TBC1D22A: variants seen among roughly 807,000 people sequenced by gnomAD.
The protein encoded by TBC1D22A is putative GTPase activator.
A neutral mutation model predicts 60.2 loss-of-function variants in TBC1D22A; 38 were observed. That is an observed-to-expected ratio of 0.63 (90% CI 0.49 to 0.83). TBC1D22A has a LOEUF of 0.83. TBC1D22A is among the 40% of genes least tolerant of loss of function. TBC1D22A has a pLI of 0.00. For synonymous variants in TBC1D22A, 302 were observed against 281.7 expected, an observed-to-expected ratio of 1.07 and a Z score of -0.72; for missense variants, 628 against 701.0, an observed-to-expected ratio of 0.90 and a Z score of 1.18.
chr22:46,927,767 G>A (rs773859844), intron 8 of TBC1D22A, among the ~76,000 whole-genome samples: 8 of 152,036 alleles, frequency 5.3e-5, no homozygotes, highest in Admixed American at 5.2e-4. Flanking sequence ...TTAAAAAATC[G>A]GTTACATTTT....
intron 4 of TBC1D22A, among the ~76,000 whole-genome samples, chr22:46,866,487 C>G (rs1252510175): frequency 6.6e-6 from 1 of 152,032 alleles, no homozygotes; most frequent in Non-Finnish European, 1.5e-5. Flanking sequence ...ATACACCTGT[C>G]AAGCGGCAAG....
chr22:47,046,118 G>C (rs1037706014), intron 11 of TBC1D22A, among the ~76,000 whole-genome samples: 3 of 152,194 alleles, frequency 2.0e-5, no homozygotes, highest in African/African-American at 7.2e-5. Flanking sequence ...GTGAGGTGTG[G>C]TCTACCTGTG....
intron 10 of TBC1D22A, among the ~76,000 whole-genome samples, chr22:46,999,211 A>T (rs1220476358): frequency 3.9e-5 from 6 of 152,254 alleles, no homozygotes; most frequent in Admixed American, 1.3e-4. Flanking sequence ...AGAAAGAAGC[A>T]CATTGCGGAT....
intron 7 of TBC1D22A, among the ~76,000 whole-genome samples, chr22:46,904,130 T>TCTGCCTACCTAC (rs1207567568): frequency 3.1e-5 from 3 of 96,708 alleles, no homozygotes; most frequent in African/African-American, 1.6e-4. Context: ...TATCTATCTA[T>TCTGCCTACCTAC]CTATCTATCT....
chr22:46,973,735 C>T (rs980479431), intron 8 of TBC1D22A, among the ~76,000 whole-genome samples: 11 of 152,230 alleles, frequency 7.2e-5, no homozygotes, highest in Middle Eastern at 3.4e-3. Context: ...TTTTCTCATT[C>T]GGTTTTTTGT....
chr22:47,012,186 A>G (rs1279541452), intron 10 of TBC1D22A, among the ~76,000 whole-genome samples: 2 of 151,570 alleles, frequency 1.3e-5, no homozygotes, highest in African/African-American at 4.9e-5. Flanking sequence ...ATTTTCCACC[A>G]CCCCAAAGTT....
At chr22:47,063,197 G>A (rs767615632) in intron 11 of TBC1D22A, among the ~76,000 whole-genome samples, 2 of 152,156 alleles carry the variant, frequency 1.3e-5, no homozygotes, top group South Asian at 2.1e-4. Flanking sequence ...CTCGGATCCC[G>A]CCTCCAGGGT....
intron 7 of TBC1D22A, among the ~76,000 whole-genome samples, chr22:46,909,999 G>A (rs1286884258): frequency 6.6e-6 from 1 of 152,240 alleles, no homozygotes; most frequent in South Asian, 2.1e-4. Flanking sequence ...AATAGCATTC[G>A]CATCATTTGC....
At chr22:46,772,054 T>C (rs111842169) in intron 1 of TBC1D22A, among the ~76,000 whole-genome samples, 7,429 of 129,550 alleles carry the variant, frequency 0.057, 733 homozygotes, top group Middle Eastern at 0.08. Context: ...TATATACATA[T>C]ACATATATAT....
intron 10 of TBC1D22A, among the ~76,000 whole-genome samples, chr22:47,000,143 ATGGAGAGGTT>A (rs2075263686): frequency 6.6e-6 from 1 of 152,194 alleles, no homozygotes; most frequent in Non-Finnish European, 1.5e-5. Context: ...TTGATTAAGA[ATGGAGAGGTT>A]TTGAGGGCAT....
chr22:46,886,655 A>G (rs2068135074), intron 5 of TBC1D22A, among the ~76,000 whole-genome samples: 1 of 152,232 alleles, frequency 6.6e-6, no homozygotes, highest in Admixed American at 6.5e-5. Flanking sequence ...GAAATAATCA[A>G]AATACTCACA....
chr22:46,885,418 G>A (rs2068062396), intron 5 of TBC1D22A, among the ~76,000 whole-genome samples: 1 of 152,192 alleles, frequency 6.6e-6, no homozygotes, highest in South Asian at 2.1e-4. Context: ...GGCCTTCTGT[G>A]ATTAGTGGGA....
intron 11 of TBC1D22A, among the ~76,000 whole-genome samples, chr22:47,063,644 G>A (rs1311365460): frequency 6.6e-6 from 1 of 152,164 alleles, no homozygotes; most frequent in South Asian, 2.1e-4. Context: ...TGTCACTCGC[G>A]TGGAGTATCC....
At position 47,071,506 on chromosome 22, in the gene TBC1D22A, C is replaced by T. The variant is rs377696026; in HGVS notation, c.1329+34308C>T. 1.1e-4 allele frequency among the ~76,000 whole-genome samples: 17 copies of T among 152,330 alleles called. No individual in the cohort carries two copies. In the East Asian group the frequency reaches 1.2e-3, roughly 10 times the overall value. ...ACAAGCCCTTTCAGTCTTCCTGAGT[C>T]GGCCCCACTCTGGGGTGGGCTCCCG... On this transcript the variant is annotated intron_variant, in intron 11 of 12. Transcript: ENST00000337137.
chr22:47,164,389 C>T (rs2068114899), intron 12 of TBC1D22A, among the ~76,000 whole-genome samples: 1 of 152,240 alleles, frequency 6.6e-6, no homozygotes, highest in African/African-American at 2.4e-5. Context: ...AGCCCCTCGT[C>T]ACCTGAGTGT....
rs558236445 is a variant in TBC1D22A at position 46,990,878 on chromosome 22, C to T, written c.1126-6756C>T. Among the ~76,000 whole-genome samples, 37 of 152,326 alleles carry T rather than the reference C, an allele frequency of 2.4e-4. No individual in the cohort carries two copies. The highest frequency in any genetic ancestry group is 8.9e-4 in the African/African-American group (37 of 41,566). On this transcript the variant is annotated intron_variant, in intron 9 of 12. Coordinates refer to ENST00000337137, the MANE Select transcript of TBC1D22A (RefSeq NM_014346.5). The surrounding 1 kb of genome is among the most constrained non-coding windows in gnomAD (Gnocchi z 4.6). ...GGAAGTGACCATGGATGGCCTCCTC[C>T]TGCTGGTGTGCCGCTTTACTCTGCT...
chr22:47,165,624 T>G (rs112178312), intron 12 of TBC1D22A, among the ~76,000 whole-genome samples: 2,780 of 152,204 alleles, frequency 0.018, 77 homozygotes, highest in African/African-American at 0.063. Flanking sequence ...TGCCACAGGG[T>G]TGCCGGGCTT....
At position 47,076,419 on chromosome 22, in the gene TBC1D22A, A is replaced by G. The variant is rs1396945661; in HGVS notation, c.1330-35089A>G. ...CACACACACACACACATATATATAT[A>G]TATATGTTTTCCCATGGTGCATTTA... On this transcript the variant is annotated intron_variant, in intron 11 of 12. Coordinates refer to ENST00000337137, the MANE Select transcript of TBC1D22A (RefSeq NM_014346.5). 8.8e-5 allele frequency among the ~76,000 whole-genome samples: 13 copies of G among 148,560 alleles called. No homozygotes were observed. In the East Asian group the frequency reaches 2.4e-3, roughly 28 times the overall value.
intron 12 of TBC1D22A, among the ~76,000 whole-genome samples, chr22:47,169,639 T>G (rs1022476700): frequency 1.3e-5 from 2 of 152,120 alleles, no homozygotes; most frequent in African/African-American, 4.8e-5. Flanking sequence ...CACAGGCTGA[T>G]GGAGAAAGGC....
Sources: allele counts gnomAD v4.1 joint callset (sites outside exome capture counted in the v4.1 genomes callset), GRCh38; gene constraint gnomAD v4.1.1; non-coding constraint Gnocchi (gnomAD v3.1); transcripts MANE v1.5; gene names NCBI Gene and HGNC (gene_info 2026-07-23, HGNC 2026-07-21).